The following PCDH9 variants were observed in gnomAD, a reference collection of about 807,000 sequenced individuals.
PCDH9 encodes protocadherin-9.
Under a neutral mutation model 70.6 loss-of-function variants are expected in PCDH9, and 24 were observed. The observed-to-expected ratio is 0.34, with a 90% CI of 0.25 to 0.48. The LOEUF (loss-of-function observed/expected upper bound fraction) is 0.48, where lower values mean the gene tolerates loss of function less well. Among genes scored for constraint, PCDH9 ranks in the 20% least tolerant of loss-of-function variants. The probability of loss-of-function intolerance (pLI) is 0.99; values close to 1 mark genes in which losing one functional copy is unlikely to be tolerated. For synonymous variants in PCDH9, 562 were observed against 558.5 expected (o/e 1.01, Z -0.09); for missense variants, 1,281 against 1,503.6 (o/e 0.85, Z 2.45).
chr13:66,652,708 A>T (rs559980705), intron 3 of PCDH9, among the ~76,000 whole-genome samples: 52 of 152,286 alleles, frequency 3.4e-4, no homozygotes, highest in African/African-American at 1.2e-3. Context: ...GAGGAATCAC[A>T]TTATCTGACT....
At chr13:66,527,659 T>C (rs1386658440) in intron 4 of PCDH9, among the ~76,000 whole-genome samples, 23 of 151,982 alleles carry the variant, frequency 1.5e-4, no homozygotes, top group Admixed American at 1.5e-3. Context: ...CTTGACACAG[T>C]GGCCCAAAAT....
At chr13:66,711,259 C>T (rs1017424342) in intron 3 of PCDH9, among the ~76,000 whole-genome samples, 1 of 152,024 alleles carries the variant, frequency 6.6e-6, no homozygotes, top group Non-Finnish European at 1.5e-5. Flanking sequence ...ATCTTAAATA[C>T]AAAACGCAAG....
chr13:67,198,710 A>G (rs1241958855), intron 2 of PCDH9, among the ~76,000 whole-genome samples: 3 of 151,934 alleles, frequency 2.0e-5, no homozygotes, highest in Non-Finnish European at 4.4e-5. Context: ...CAAAAAAGCT[A>G]AAATAATGAT....
chr13:67,143,089 A>G (rs1179315905), intron 2 of PCDH9, among the ~76,000 whole-genome samples: 1 of 152,162 alleles, frequency 6.6e-6, no homozygotes, highest in Admixed American at 6.5e-5. Context: ...TATGAGAGCA[A>G]AATGAAATGA....
At chr13:66,543,236 A>G (rs1019566096) in intron 4 of PCDH9, among the ~76,000 whole-genome samples, 4 of 152,060 alleles carry the variant, frequency 2.6e-5, no homozygotes, top group Non-Finnish European at 5.9e-5. Flanking sequence ...AATCAGCAGT[A>G]TATATAACCT....
At chr13:67,199,834 GT>G (rs1394163390) in intron 2 of PCDH9, among the ~76,000 whole-genome samples, 1 of 151,958 alleles carries the variant, frequency 6.6e-6, no homozygotes, top group Non-Finnish European at 1.5e-5. Flanking sequence ...CTATTTATGG[GT>G]GGAACGTGAA....
chr13:67,220,383 T>TAATAATATA (rs1240661092), intron 2 of PCDH9: 1 of 152,022 alleles, frequency 6.6e-6, no homozygotes, highest in Non-Finnish European at 1.5e-5. Context: ...ATATAAATCA[T>TAATAATATA]AGTTAATTAT....
chr13:67,120,394 C>T (rs2086854647), intron 2 of PCDH9, among the ~76,000 whole-genome samples: 1 of 152,024 alleles, frequency 6.6e-6, no homozygotes, highest in Non-Finnish European at 1.5e-5. Context: ...CACTAGTCCT[C>T]ATGGCCAGCC....
chr13:66,980,306 G>A (rs1037916935), intron 2 of PCDH9, among the ~76,000 whole-genome samples: 1 of 151,816 alleles, frequency 6.6e-6, no homozygotes, highest in African/African-American at 2.4e-5. Flanking sequence ...ACACACACAC[G>A]TACACACAAA....
chr13:66,824,245 T>C lies in PCDH9; in HGVS notation c.3138+79259A>G, dbSNP rs372042287. Among the ~76,000 whole-genome samples, 28 of 146,966 alleles carry C rather than the reference T, an allele frequency of 1.9e-4. No homozygotes were observed. In the South Asian group the frequency reaches 2.8e-3, roughly 15 times the overall value. On this transcript the variant is annotated intron_variant, in intron 3 of 4. Transcript: ENST00000377865. The stretch of plus-strand genomic sequence containing the variant: ...AAAATAATTTGTAAATTTATCCTTA[T>C]TGATTTGCCAAAGACAGCTAGAGCC...
chr13:67,062,458 A>T (rs967123972), intron 2 of PCDH9, among the ~76,000 whole-genome samples: 1 of 152,194 alleles, frequency 6.6e-6, no homozygotes, highest in Non-Finnish European at 1.5e-5. Context: ...ACCATCTCAG[A>T]TAATATAAAA....
chr13:67,076,313 A>G (rs2085876731), intron 2 of PCDH9, among the ~76,000 whole-genome samples: 1 of 152,188 alleles, frequency 6.6e-6, no homozygotes. Context: ...AGAATGGATG[A>G]GGTTTAATAA....
At chr13:66,626,062 GA>G (rs1157020078) in intron 4 of PCDH9, among the ~76,000 whole-genome samples, 2 of 152,064 alleles carry the variant, frequency 1.3e-5, no homozygotes, top group Non-Finnish European at 2.9e-5. Context: ...GCTATCATGA[GA>G]TTTTTTTTTC....
At chr13:66,781,752 C>T (rs1431873914) in intron 3 of PCDH9, among the ~76,000 whole-genome samples, 1 of 152,018 alleles carries the variant, frequency 6.6e-6, no homozygotes, top group Non-Finnish European at 1.5e-5. Flanking sequence ...AAGTGTCATC[C>T]AATCTAAAAT....
chr13:66,776,484 A>T (rs553282153), intron 3 of PCDH9, among the ~76,000 whole-genome samples: 45 of 151,154 alleles, frequency 3.0e-4, no homozygotes, highest in Non-Finnish European at 5.9e-4. Flanking sequence ...ATACCCCAAT[A>T]ACAGACAAAT....
At chr13:67,121,966 G>T (rs1566438451) in intron 2 of PCDH9, among the ~76,000 whole-genome samples, 1 of 152,076 alleles carries the variant, frequency 6.6e-6, no homozygotes, top group Non-Finnish European at 1.5e-5. Context: ...CTATTTTAAA[G>T]TGGCCAAGTT....
chr13:66,594,915 A>T (rs2077083709), intron 4 of PCDH9, among the ~76,000 whole-genome samples: 1 of 151,552 alleles, frequency 6.6e-6, no homozygotes, highest in Non-Finnish European at 1.5e-5. Context: ...ACAAATTAAA[A>T]TGACAAATAA....
At chr13:66,473,872 T>C (rs1050084456) in intron 4 of PCDH9, among the ~76,000 whole-genome samples, 1 of 152,152 alleles carries the variant, frequency 6.6e-6, no homozygotes, top group Admixed American at 6.5e-5. Flanking sequence ...CAGGTCTCTG[T>C]ATGTTTGCAT....
intron 4 of PCDH9, among the ~76,000 whole-genome samples, chr13:66,596,844 C>G (rs2077110038): frequency 6.9e-6 from 1 of 145,328 alleles, no homozygotes; most frequent in Middle Eastern, 3.6e-3. Context: ...GTTGTTTGTG[C>G]TGTAGCTTGT....
Sources: gnomAD v4.1 joint callset for allele counts (sites outside exome capture counted in the v4.1 genomes callset) on GRCh38, gnomAD v4.1.1 for gene constraint, MANE v1.5 for transcripts, NCBI Gene and HGNC (gene_info 2026-07-23, HGNC 2026-07-21) for gene names.